CALN1: variants seen among roughly 807,000 people sequenced by gnomAD.
CALN1 encodes the protein calneuron 1.
In CALN1, 17 loss-of-function variants were observed where a neutral mutation model predicts 30.6. The observed-to-expected ratio is 0.56, with a 90% CI of 0.38 to 0.83. The LOEUF is 0.83. Ranked by LOEUF, CALN1 falls within the 40% of genes least tolerant of loss-of-function variation. The pLI, the probability that CALN1 is intolerant of heterozygous loss-of-function variation, is 0.00. For synonymous variants in CALN1, 156 were observed against 131.4 expected, an observed-to-expected ratio of 1.19 and a Z score of -1.28; for missense variants, 291 against 354.9, an observed-to-expected ratio of 0.82 and a Z score of 1.45.
intron 2 of CALN1, among the ~76,000 whole-genome samples, chr7:72,328,463 T>G (rs1801436602): frequency 6.6e-6 from 1 of 152,230 alleles, no homozygotes; most frequent in South Asian, 2.1e-4. Context: ...CCCAGGCATG[T>G]GGTACTACTG....
intron 2 of CALN1, among the ~76,000 whole-genome samples, chr7:72,351,320 T>C (rs1039700969): frequency 1.3e-5 from 2 of 152,046 alleles, no homozygotes; most frequent in Non-Finnish European, 2.9e-5. Flanking sequence ...CTTGGCAACC[T>C]AGCAAGACCC....
At chr7:72,487,034 G>C in the CALN1 span, among the ~76,000 whole-genome samples, 13 of 152,230 alleles carry the variant, frequency 8.5e-5, no homozygotes, top group African/African-American at 2.9e-4. Context: ...CATCGTCGAT[G>C]TGGATGTATC....
intron 3 of CALN1, among the ~76,000 whole-genome samples, chr7:72,176,615 A>G (rs535780885): frequency 6.6e-6 from 1 of 152,136 alleles, no homozygotes; most frequent in Non-Finnish European, 1.5e-5. Context: ...CCTCACCAGA[A>G]GCAGATGCAG....
chr7:72,441,140 T>A (rs986892660), intron 1 of CALN1, among the ~76,000 whole-genome samples: 2 of 152,112 alleles, frequency 1.3e-5, no homozygotes, highest in Non-Finnish European at 2.9e-5. Context: ...GTTTGATGAA[T>A]GCCGAAAGAA....
chr7:72,023,275 A>G (rs991888538), intron 5 of CALN1, among the ~76,000 whole-genome samples: 3 of 152,198 alleles, frequency 2.0e-5, no homozygotes, highest in Non-Finnish European at 4.4e-5. Flanking sequence ...AAGGATATTG[A>G]CGGGATCCAA....
intron 4 of CALN1, among the ~76,000 whole-genome samples, chr7:72,043,257 C>T (rs1802243340): frequency 1.3e-5 from 2 of 152,308 alleles, no homozygotes; most frequent in African/African-American, 2.4e-5. Context: ...ACCTTATCCT[C>T]ACACAGCTGG....
intron 5 of CALN1, among the ~76,000 whole-genome samples, chr7:71,977,990 C>T (rs2129526912): frequency 6.6e-6 from 1 of 151,178 alleles, no homozygotes; most frequent in South Asian, 2.1e-4. Flanking sequence ...TCTTCATGCC[C>T]ACCAGCTCCT....
chr7:71,939,776 AGG>A (rs1422334928), intron 5 of CALN1, among the ~76,000 whole-genome samples: 1 of 152,092 alleles, frequency 6.6e-6, no homozygotes, highest in African/African-American at 2.4e-5. Context: ...AAGGACACAG[AGG>A]ATACCTAGGG....
chr7:71,853,366 G>A (rs754274903), intron 5 of CALN1, among the ~76,000 whole-genome samples: 78 of 151,722 alleles, frequency 5.1e-4, no homozygotes, highest in Non-Finnish European at 9.9e-4. Context: ...TTGATGTTTT[G>A]ATATATGTAT....
chr7:72,129,120 C>T (rs1158387853), intron 3 of CALN1, among the ~76,000 whole-genome samples: 1 of 152,118 alleles, frequency 6.6e-6, no homozygotes, highest in Non-Finnish European at 1.5e-5. Context: ...ACATATAACA[C>T]CAAGTTCAGC....
intron 3 of CALN1, among the ~76,000 whole-genome samples, chr7:72,108,046 A>C (rs1246842908): frequency 6.6e-6 from 1 of 152,184 alleles, no homozygotes; most frequent in Non-Finnish European, 1.5e-5. Context: ...GGAGGCCAAA[A>C]TTCCAAAATC....
intron 5 of CALN1, among the ~76,000 whole-genome samples, chr7:71,902,892 T>C (rs1189973388): frequency 6.6e-6 from 1 of 152,036 alleles, no homozygotes; most frequent in Non-Finnish European, 1.5e-5. Flanking sequence ...AGTCAAATAC[T>C]ACATGTTCTA....
At chr7:71,836,942 G>A (rs1024559651) in intron 5 of CALN1, among the ~76,000 whole-genome samples, 14 of 147,634 alleles carry the variant, frequency 9.5e-5, no homozygotes, top group African/African-American at 3.0e-4. Context: ...TTCTAAACAA[G>A]AGCCACTGGC....
chr7:72,502,188 G>A, the CALN1 span, among the ~76,000 whole-genome samples: 1 of 149,158 alleles, frequency 6.7e-6, no homozygotes, highest in Non-Finnish European at 1.5e-5. Flanking sequence ...TAAAACCTTA[G>A]GAGGGACGAG....
intron 5 of CALN1, among the ~76,000 whole-genome samples, chr7:71,977,762 T>C (rs1394333664): frequency 2.0e-5 from 3 of 151,816 alleles, no homozygotes; most frequent in Non-Finnish European, 4.4e-5. Context: ...TGAAACCCCA[T>C]CTCTACTAAA....
chr7:71,847,832 AAGGAGAAGGAGAAGG>A (rs761053595), intron 5 of CALN1, among the ~76,000 whole-genome samples: 28 of 98,610 alleles, frequency 2.8e-4, no homozygotes, highest in Admixed American at 5.6e-4. Context: ...GGAGAAGGAG[AAGGAGAAGGAGAAGG>A]AGAAGAAGAA....
chr7:72,377,780 ACACT>A (rs931421208), intron 2 of CALN1, among the ~76,000 whole-genome samples: 2 of 152,104 alleles, frequency 1.3e-5, no homozygotes, highest in Non-Finnish European at 2.9e-5. Context: ...GGTTTCTCCA[ACACT>A]CAGTCAAGAA....
chr7:72,078,706 C>CT (rs1804915748), intron 4 of CALN1, among the ~76,000 whole-genome samples: 1 of 152,072 alleles, frequency 6.6e-6, no homozygotes, highest in Non-Finnish European at 1.5e-5. Context: ...GTCACCAAGG[C>CT]GGGCAGACCA....
chr7:72,039,878 T>G (rs140721406), intron 4 of CALN1, among the ~76,000 whole-genome samples: 3 of 152,288 alleles, frequency 2.0e-5, no homozygotes, highest in Non-Finnish European at 2.9e-5. Context: ...GCCCCATGTG[T>G]CATTGAGATG....
Sources: gnomAD v4.1 joint callset for allele counts (sites outside exome capture counted in the v4.1 genomes callset) on GRCh38, gnomAD v4.1.1 for gene constraint, MANE v1.5 for transcripts, NCBI Gene and HGNC (gene_info 2026-07-23, HGNC 2026-07-21) for gene names.